Variants in RNGTT observed in about 807,000 individuals in gnomAD.
RNGTT encodes the protein mRNA-capping enzyme.
A neutral mutation model predicts 79.3 loss-of-function variants in RNGTT; 33 were observed. The ratio of observed to expected loss-of-function variants is 0.42; its 90% CI spans 0.32 to 0.56. The LOEUF (loss-of-function observed/expected upper bound fraction) is 0.56. Ranked by LOEUF, RNGTT falls within the 20% of genes least tolerant of loss-of-function variation. The probability of loss-of-function intolerance (pLI) is 0.17; values close to 1 mark genes in which losing one functional copy is unlikely to be tolerated. For synonymous variants in RNGTT, 222 were observed against 235.9 expected (o/e 0.94, Z 0.54); for missense variants, 497 against 739.1 (o/e 0.67, Z 3.80).
intron 13 of RNGTT, among the ~76,000 whole-genome samples, chr6:88,698,269 GATAT>G (rs1209677910): frequency 1.3e-5 from 1 of 77,150 alleles, no homozygotes; most frequent in Admixed American, 1.2e-4. Context: ...AAATATATAT[GATAT>G]ATATATTTCA....
chr6:88,613,848 GTTTAC>G (rs1562149134), intron 15 of RNGTT, among the ~76,000 whole-genome samples: 4 of 152,062 alleles, frequency 2.6e-5, no homozygotes, highest in African/African-American at 7.2e-5. Flanking sequence ...AATGGTTTTC[GTTTAC>G]TTTGTTCTCC....
intron 2 of RNGTT, 63 bp from the exon 3 acceptor site, chr6:88,929,330 A>G (rs1784415301): frequency 9.8e-7 from 1 of 1,016,166 alleles, no homozygotes; most frequent in Admixed American, 2.0e-5. Context: ...CCAAATAAGT[A>G]GACTAAATGG....
At chr6:88,785,354 TG>T (rs1779194106) in intron 12 of RNGTT, among the ~76,000 whole-genome samples, 1 of 152,128 alleles carries the variant, frequency 6.6e-6, no homozygotes, top group African/African-American at 2.4e-5. Flanking sequence ...ATTATGCATC[TG>T]TAGCTGTTTA....
At chr6:88,748,295 G>A (rs377286905) in intron 13 of RNGTT, among the ~76,000 whole-genome samples, 2 of 152,036 alleles carry the variant, frequency 1.3e-5, no homozygotes, top group African/African-American at 2.4e-5. Context: ...TACAGGGCCC[G>A]ATCTCTTCTA....
chr6:88,837,783 T>C (rs1403266875), intron 11 of RNGTT, among the ~76,000 whole-genome samples: 1 of 152,044 alleles, frequency 6.6e-6, no homozygotes. Context: ...TGGTTAAAAA[T>C]AAAACAAACG....
intron 14 of RNGTT, among the ~76,000 whole-genome samples, chr6:88,649,469 C>T (rs1446704464): frequency 3.3e-5 from 5 of 152,054 alleles, no homozygotes; most frequent in African/African-American, 7.2e-5. Flanking sequence ...GAGGCCGAGG[C>T]GGTGGATCAC....
intron 1 of RNGTT, among the ~76,000 whole-genome samples, chr6:88,945,523 C>T (rs143499666): frequency 1.3e-5 from 2 of 152,202 alleles, no homozygotes; most frequent in Non-Finnish European, 2.9e-5. Context: ...TCGTCCTCAA[C>T]TCCTTTGTTC....
At chr6:88,893,505 T>C (rs951580727) in intron 6 of RNGTT, among the ~76,000 whole-genome samples, 1 of 152,068 alleles carries the variant, frequency 6.6e-6, no homozygotes, top group African/African-American at 2.4e-5. Flanking sequence ...GACTAACACA[T>C]AGAAAATATG....
At chr6:88,816,492 A>C (rs1428649128) in intron 11 of RNGTT, among the ~76,000 whole-genome samples, 2 of 152,220 alleles carry the variant, frequency 1.3e-5, no homozygotes, top group Non-Finnish European at 2.9e-5. Context: ...ATGAGAAAAA[A>C]GAATGAACAG....
intron 13 of RNGTT, among the ~76,000 whole-genome samples, chr6:88,710,473 T>G (rs1312792430): frequency 6.6e-6 from 1 of 152,212 alleles, no homozygotes; most frequent in African/African-American, 2.4e-5. Context: ...TTAAAATGGT[T>G]ATTTATTAGA....
In RNGTT at chr6:88,615,566, A is replaced by G. The variant is rs151038861; in HGVS notation, c.1507-1171T>C. 3.9e-5 allele frequency among the ~76,000 whole-genome samples: 6 copies of G among 152,242 alleles called. No homozygotes were observed. In the East Asian group the frequency reaches 5.8e-4, roughly 15 times the overall value. On this transcript the variant is annotated intron_variant, in intron 14 of 15. Transcript: ENST00000369485. Reference sequence around the variant, plus strand: ...CTCAAATATTCATTATTTTAGTCTCAATTCTCTTGCCTTGCTTTCTAGGGA... The same window carrying G: ...CTCAAATATTCATTATTTTAGTCTCGATTCTCTTGCCTTGCTTTCTAGGGA...
Position 88,612,217 on chromosome 6 carries a change from A to T in RNGTT, c.*502T>A, listed in dbSNP as rs1187508586. On this transcript the variant is annotated 3_prime_UTR_variant, in exon 16 of 16. Transcript: ENST00000369485. ...TTAACAACCCTGTCATTTGTTTTTG[A>T]ATACAGGGATCTCAGAAATGTAGGA... 1 of 153,056 alleles carries T rather than the reference A, an allele frequency of 6.5e-6. No homozygotes were observed. Among genetic ancestry groups the T allele is most frequent in the Non-Finnish European group, 1.5e-5 (1 of 68,354 alleles). The allele number at this position is 153,056 out of a possible 1,614,324, so 9.5% of individuals were successfully genotyped here. A position where few individuals can be genotyped will look rare whatever the true frequency, so the allele number is the denominator to read the frequency against.
intron 13 of RNGTT, among the ~76,000 whole-genome samples, chr6:88,690,298 G>A (rs1167883699): frequency 6.6e-6 from 1 of 151,942 alleles, no homozygotes; most frequent in African/African-American, 2.4e-5. Flanking sequence ...TTTAATAAAT[G>A]TCCTATGGTT....
intron 13 of RNGTT, among the ~76,000 whole-genome samples, chr6:88,690,265 T>C (rs964775100): frequency 1.3e-5 from 2 of 152,182 alleles, no homozygotes; most frequent in Admixed American, 6.5e-5. Context: ...TTGATAGCAT[T>C]GTACCAATGT....
At position 88,672,457 on chromosome 6, in the gene RNGTT, G is replaced by A. The variant is rs552671707; in HGVS notation, c.1506+5896C>T. 3.9e-5 allele frequency among the ~76,000 whole-genome samples: 6 copies of A among 152,214 alleles called. No individual in the cohort carries two copies. The South Asian group carries it at 1.2e-3, about 32-fold the overall frequency. On this transcript the variant is annotated intron_variant, in intron 14 of 15. Coordinates refer to ENST00000369485, the MANE Select transcript of RNGTT (RefSeq NM_003800.5). ...TTCTAAGTGAAGTAACTCAGGAATG[G>A]AAAACCAAACACTGTATGTTCTCAC...
At chr6:88,864,403 C>T (rs1419182619) in intron 8 of RNGTT, among the ~76,000 whole-genome samples, 2 of 152,048 alleles carry the variant, frequency 1.3e-5, no homozygotes, top group African/African-American at 4.8e-5. Flanking sequence ...ATTTGTACTA[C>T]ATACCATTAA....
chr6:88,750,009 A>C (rs1308510233), intron 13 of RNGTT, among the ~76,000 whole-genome samples: 1 of 152,076 alleles, frequency 6.6e-6, no homozygotes, highest in Non-Finnish European at 1.5e-5. Context: ...CTCATGTATA[A>C]TCTCTCTGTG....
chr6:88,877,165 G>A (rs1171138437), intron 8 of RNGTT, among the ~76,000 whole-genome samples: 1 of 152,168 alleles, frequency 6.6e-6, no homozygotes, highest in Non-Finnish European at 1.5e-5. Context: ...AATTCTGAGT[G>A]AACTCTGGGA....
intron 1 of RNGTT, among the ~76,000 whole-genome samples, chr6:88,961,628 T>C (rs190138325): frequency 2.0e-5 from 3 of 152,326 alleles, no homozygotes; most frequent in African/African-American, 7.2e-5. Context: ...ATATAACTTA[T>C]TTTGTGAAGT....
Sources: gnomAD v4.1 joint callset for allele counts (sites outside exome capture counted in the v4.1 genomes callset) on GRCh38, gnomAD v4.1.1 for gene constraint, MANE v1.5 for transcripts, NCBI Gene and HGNC (gene_info 2026-07-23, HGNC 2026-07-21) for gene names.